Variants in SELENOF observed in about 807,000 individuals in gnomAD.
SELENOF encodes the protein 15 kDa selenoprotein.
In SELENOF, 16 loss-of-function variants were observed where a neutral mutation model predicts 20.5. That is an observed-to-expected ratio of 0.78 (90% CI 0.53 to 1.19). The LOEUF (loss-of-function observed/expected upper bound fraction) is 1.19. SELENOF is among the 50% of genes most tolerant of loss of function. The pLI, the probability that SELENOF is intolerant of heterozygous loss-of-function variation, is 0.00. For missense variants in SELENOF, 215 were observed against 194.2 expected (o/e 1.11, Z -0.64); for synonymous variants, 78 against 74.5 (o/e 1.05, Z -0.24).
At chr1:86,884,352 C>T (rs1010119001) in intron 2 of SELENOF, among the ~76,000 whole-genome samples, 2 of 135,836 alleles carry the variant, frequency 1.5e-5, no homozygotes, top group Non-Finnish European at 3.1e-5. Flanking sequence ...TACATACACA[C>T]ACACACACAC....
chr1:86,864,705 C>T (rs1451538981), intron 4 of SELENOF, among the ~76,000 whole-genome samples: 3 of 150,594 alleles, frequency 2.0e-5, no homozygotes, highest in South Asian at 2.1e-4. Flanking sequence ...GGCGTGATCT[C>T]GGTTCACTGC....
chr1:86,889,549 G>A (rs140171054), intron 2 of SELENOF, among the ~76,000 whole-genome samples: 218 of 152,224 alleles, frequency 1.4e-3, no homozygotes, highest in African/African-American at 5.0e-3. Context: ...AGCTGAGATC[G>A]CGTCACTGCA....
intron 2 of SELENOF, among the ~76,000 whole-genome samples, chr1:86,890,394 A>G (rs1211657763): frequency 6.6e-6 from 1 of 152,224 alleles, no homozygotes; most frequent in Non-Finnish European, 1.5e-5. Flanking sequence ...CTTTTAAAAA[A>G]ATCAATGCAT....
chr1:86,882,238 ACT>A (rs1342892085), intron 2 of SELENOF, among the ~76,000 whole-genome samples: 1 of 130,546 alleles, frequency 7.7e-6, no homozygotes, highest in Non-Finnish European at 1.6e-5. Flanking sequence ...GCAGAGCAAG[ACT>A]CTGTCTCAAA....
chr1:86,878,004 A>C (rs527867514), intron 3 of SELENOF, among the ~76,000 whole-genome samples: 86 of 152,216 alleles, frequency 5.6e-4, no homozygotes, highest in Non-Finnish European at 1.1e-3. Context: ...CAAGCGAGAG[A>C]AAAAAAACAT....
chr1:86,902,359 T>C (rs1197708506), intron 2 of SELENOF, among the ~76,000 whole-genome samples: 1 of 152,220 alleles, frequency 6.6e-6, no homozygotes, highest in Admixed American at 6.5e-5. Flanking sequence ...TTTGGCTGAA[T>C]ACTAACATTT....
intron 1 of SELENOF, among the ~76,000 whole-genome samples, chr1:86,911,340 C>A (rs1659975435): frequency 6.6e-6 from 1 of 152,168 alleles, no homozygotes; most frequent in Non-Finnish European, 1.5e-5. Context: ...AATGAAAACA[C>A]CATGCTCAAA....
Position 86,892,122 on chromosome 1 carries a change from C to T in SELENOF, c.252+11159G>A, listed in dbSNP as rs9887858. ...ATTTCTTTTGTATTTTTAGTAGAGACGGGGTTTCACCATGTTAGCCAGGAT... is the reference window on the plus strand; with the variant it reads ...ATTTCTTTTGTATTTTTAGTAGAGATGGGGTTTCACCATGTTAGCCAGGAT... On this transcript the variant is annotated intron_variant, in intron 2 of 4. Transcript: ENST00000331835. 6.2e-3 allele frequency among the ~76,000 whole-genome samples: 943 copies of T among 151,798 alleles called. 11 individuals are homozygous for T. The highest frequency in any genetic ancestry group is 0.022 in the African/African-American group (905 of 41,384).
intron 3 of SELENOF, among the ~76,000 whole-genome samples, chr1:86,878,355 A>G (rs1175843435): frequency 6.6e-6 from 1 of 152,240 alleles, no homozygotes; most frequent in Admixed American, 6.5e-5. Flanking sequence ...TATCATGATA[A>G]TCCCAGAAGC....
chr1:86,864,889 C>T (rs1022700057), intron 4 of SELENOF, among the ~76,000 whole-genome samples: 10 of 152,106 alleles, frequency 6.6e-5, no homozygotes, highest in African/African-American at 2.4e-4. Context: ...CCACCTCCGC[C>T]TCCCAAAGTG....
chr1:86,880,343 C>T (rs1659034780), intron 3 of SELENOF, among the ~76,000 whole-genome samples: 1 of 152,080 alleles, frequency 6.6e-6, no homozygotes, highest in African/African-American at 2.4e-5. Context: ...ACCATCTTGG[C>T]CAGGCTGGTC....
chr1:86,869,028 A>G (rs1163116351), intron 3 of SELENOF, among the ~76,000 whole-genome samples: 3 of 152,214 alleles, frequency 2.0e-5, no homozygotes, highest in Non-Finnish European at 4.4e-5. Flanking sequence ...CATATAATTG[A>G]AGAAATGCCA....
chr1:86,905,748 A>G (rs1452199846), intron 1 of SELENOF, among the ~76,000 whole-genome samples: 1 of 152,212 alleles, frequency 6.6e-6, no homozygotes, highest in Non-Finnish European at 1.5e-5. Flanking sequence ...CTTCTAGACT[A>G]AGGGTATGCA....
chr1:86,900,830 A>G (rs904564191), intron 2 of SELENOF, among the ~76,000 whole-genome samples: 1 of 152,138 alleles, frequency 6.6e-6, no homozygotes, highest in Non-Finnish European at 1.5e-5. Flanking sequence ...GAGCCATCAC[A>G]CCCGAGTTGA....
intron 2 of SELENOF, among the ~76,000 whole-genome samples, chr1:86,900,648 A>G (rs374303567): frequency 2.8e-5 from 4 of 145,396 alleles, no homozygotes; most frequent in Non-Finnish European, 3.0e-5. Flanking sequence ...CCGTGGGGAA[A>G]GGGAGAGGGA....
chr1:86,885,183 A>T (rs1298955360), intron 2 of SELENOF, among the ~76,000 whole-genome samples: 1 of 152,196 alleles, frequency 6.6e-6, no homozygotes, highest in African/African-American at 2.4e-5. Flanking sequence ...GAGCATCTCA[A>T]ATCTGAAAAA....
intron 2 of SELENOF, among the ~76,000 whole-genome samples, chr1:86,887,835 T>C (rs1237250836): frequency 6.6e-6 from 1 of 152,044 alleles, no homozygotes; most frequent in Non-Finnish European, 1.5e-5. Context: ...TCCAGGGTCA[T>C]CACTTGGGAA....
intron 2 of SELENOF, among the ~76,000 whole-genome samples, chr1:86,900,480 C>A (rs1010728738): frequency 6.6e-6 from 1 of 152,132 alleles, no homozygotes; most frequent in Admixed American, 6.5e-5. Context: ...CGCAGGCACT[C>A]GGCAGGCTGA....
intron 1 of SELENOF, among the ~76,000 whole-genome samples, chr1:86,904,745 T>C (rs1659788174): frequency 6.6e-6 from 1 of 152,160 alleles, no homozygotes; most frequent in Non-Finnish European, 1.5e-5. Flanking sequence ...TTGCCCAAAA[T>C]TACCAAATGC....
Sources: gnomAD v4.1 joint callset for allele counts (sites outside exome capture counted in the v4.1 genomes callset) on GRCh38, gnomAD v4.1.1 for gene constraint, MANE v1.5 for transcripts, NCBI Gene and HGNC (gene_info 2026-07-23, HGNC 2026-07-21) for gene names.